Variants in KCTD11 observed in about 807,000 individuals in gnomAD.
KCTD11 encodes BTB/POZ domain-containing protein KCTD11.
A neutral mutation model predicts 10.7 loss-of-function variants in KCTD11; 8 were observed. The observed-to-expected ratio is 0.74, with a 90% CI of 0.44 to 1.34. The LOEUF is 1.34. KCTD11 is among the 40% of genes most tolerant of loss of function. The pLI is 0.01. For synonymous variants in KCTD11, 153 were observed against 160.8 expected (o/e 0.95, Z 0.37); for missense variants, 346 against 356.1 (o/e 0.97, Z 0.23).
At position 7,352,710 on chromosome 17, in the gene KCTD11, G is replaced by A. The variant is rs1363745756; in HGVS notation, c.-116G>A. The A allele has an allele frequency of 1.1e-5, 6 of 529,470 alleles. No individual in the cohort carries two copies. The highest frequency in any genetic ancestry group is 3.3e-5 in the Admixed American group (1 of 30,102). 32.8% of individuals were successfully genotyped at this position (529,470 alleles called of 1,614,324 possible). A position where few individuals can be genotyped will look rare whatever the true frequency, so the allele number is the denominator to read the frequency against. On this transcript the variant is annotated 5_prime_UTR_variant, in exon 1 of 1. Coordinates refer to ENST00000333751, the MANE Select transcript of KCTD11 (RefSeq NM_001363642.1). The surrounding 1 kb of genome is among the most constrained non-coding windows in gnomAD (Gnocchi z 4.5). ...GCCGGGGTGAGCCCCAAACCTTACT[G>A]GGTGTGCTCCACCTGTGCCTCCAAC...
Position 7,353,506 on chromosome 17 carries a change from G to T in KCTD11, c.681G>T (p.Arg227=). 1.3e-6 allele frequency: 2 copies of T among 1,592,378 alleles called. No individual in the cohort carries two copies. The highest frequency in any genetic ancestry group is 8.6e-7 in the Non-Finnish European group (1 of 1,166,900). ...GGACTGGGGGGCCAGGAGAGCGGCG[G>T]GAGGTGGTGGGCACCCCAAGCTTCC... The change falls in exon 1 of 1, where the codon CGG becomes CGT. Residue 227 remains arginine, a synonymous_variant. Coordinates refer to ENST00000333751, the MANE Select transcript of KCTD11 (RefSeq NM_001363642.1). The surrounding 1 kb of genome is among the most constrained non-coding windows in gnomAD (Gnocchi z 4.9).
At position 7,354,755 on chromosome 17, in the gene KCTD11, C is replaced by T; in HGVS notation, c.*1114C>T. ...TAGCTGGGGAAGGCCCAAGGCCGCCCAGGGCAGAGAGAGGAGACGAAGAGT... is the reference window on the plus strand; with the variant it reads ...TAGCTGGGGAAGGCCCAAGGCCGCCTAGGGCAGAGAGAGGAGACGAAGAGT... On this transcript the variant is annotated 3_prime_UTR_variant, in exon 1 of 1. Transcript: ENST00000333751. The T allele has an allele frequency of 5.6e-6, 1 of 177,096 alleles. No individual in the cohort carries two copies. The highest frequency in any genetic ancestry group is 1.3e-5 in the Non-Finnish European group (1 of 74,894). 11.0% of individuals were successfully genotyped at this position (177,096 alleles called of 1,614,324 possible). A position where few individuals can be genotyped will look rare whatever the true frequency, so the allele number is the denominator to read the frequency against.
Position 7,353,735 on chromosome 17 carries a change from A to G in KCTD11, c.*94A>G, listed in dbSNP as rs2143019662. On this transcript the variant is annotated 3_prime_UTR_variant, in exon 1 of 1. Coordinates refer to ENST00000333751, the MANE Select transcript of KCTD11 (RefSeq NM_001363642.1). This position sits in a 1 kb window ranked among gnomAD's most constrained non-coding sequence, Gnocchi z 4.9. ...CCAGCTCTGCTTCAGGAGCTATGAG[A>G]GTCGGGACTCTCCTGCACCTGACTG... 3 of 1,230,198 alleles carry G rather than the reference A, an allele frequency of 2.4e-6. No homozygotes were observed. The highest frequency in any genetic ancestry group is 3.4e-6 in the Non-Finnish European group (3 of 895,414). 76.2% of individuals were successfully genotyped at this position (1,230,198 alleles called of 1,614,324 possible).
Position 7,354,929 on chromosome 17 carries a change from C to T in KCTD11, c.*1288C>T, listed in dbSNP as rs2073462199. Reference sequence around the variant, plus strand: ...ATTTACAAGAAGAAAAATAAAACTGCTTTTGGAACCACAAACTTGTGAAGG... The same window carrying T: ...ATTTACAAGAAGAAAAATAAAACTGTTTTTGGAACCACAAACTTGTGAAGG... On this transcript the variant is annotated 3_prime_UTR_variant, in exon 1 of 1. Transcript: ENST00000333751. 2 of 465,362 alleles carry T rather than the reference C, an allele frequency of 4.3e-6. No homozygotes were observed. Among genetic ancestry groups the T allele is most frequent in the African/African-American group, 4.1e-5 (2 of 48,642 alleles). 28.8% of individuals were successfully genotyped at this position (465,362 alleles called of 1,614,324 possible). A position where few individuals can be genotyped will look rare whatever the true frequency, so the allele number is the denominator to read the frequency against.
rs3840878 is a variant in KCTD11, at chr17:7,354,528, GGTGTGTGTGT to G, written c.*906_*915del. ...TTGACAATTAGTAGTTTAATCACAG[GGTGTGTGTGT>G]GTGTGTGTGTGTGTGTGTTTATGTG... On this transcript the variant is annotated 3_prime_UTR_variant, in exon 1 of 1. Transcript: ENST00000333751. 1 of 161,370 alleles carries G rather than the reference GGTGTGTGTGT, an allele frequency of 6.2e-6. No individual in the cohort carries two copies. Among genetic ancestry groups the G allele is most frequent in the Non-Finnish European group, 1.5e-5 (1 of 66,856 alleles). The allele number at this position is 161,370 out of a possible 1,614,324, so 10.0% of individuals were successfully genotyped here. A position where few individuals can be genotyped will look rare whatever the true frequency, so the allele number is the denominator to read the frequency against.
chr17:7,353,426 C>T lies in KCTD11; in HGVS notation c.601C>T (p.Arg201Cys), dbSNP rs373069720. 1.5e-5 allele frequency: 24 copies of T among 1,612,692 alleles called. No individual in the cohort carries two copies. The highest frequency in any genetic ancestry group is 1.1e-4 in the South Asian group (10 of 91,086). The change falls in exon 1 of 1, where the codon CGC (arginine) becomes TGC (cysteine). Residue 201 changes from arginine (R) to cysteine (C), a missense_variant. Arg to Cys is a radical substitution (Grantham distance 180, BLOSUM62 -3). Coordinates refer to ENST00000333751, the MANE Select transcript of KCTD11 (RefSeq NM_001363642.1). The surrounding 1 kb of genome is among the most constrained non-coding windows in gnomAD (Gnocchi z 4.9). ...ACATTTTCATCTGGAGTGGGCCCCC[C>T]GCCCCGTGGAACTCCCCGAGGTGGA...
At position 7,352,829 on chromosome 17, in the gene KCTD11, T is replaced by C; in HGVS notation, c.4T>C (p.Ser2Pro). The C allele has an allele frequency of 1.3e-6, 1 of 771,148 alleles. No individual in the cohort carries two copies. The highest frequency in any genetic ancestry group is 2.1e-6 in the Non-Finnish European group (1 of 468,654). The allele number at this position is 771,148 out of a possible 1,614,324, so 47.8% of individuals were successfully genotyped here. A position where few individuals can be genotyped will look rare whatever the true frequency, so the allele number is the denominator to read the frequency against. ...GGTGTCTCCTGTACTTCCCAAAATT[T>C]CTCCTCCTCCTGTGCCCTCTTCGCC... Residue 2 changes from serine to proline, a missense_variant, in exon 1 of 1, where the codon TCT becomes CCT. Ser to Pro is a moderately conservative substitution (Grantham distance 74). Transcript: ENST00000333751. This position sits in a 1 kb window ranked among gnomAD's most constrained non-coding sequence, Gnocchi z 4.5.
Sources: allele counts gnomAD v4.1 joint callset, GRCh38; gene constraint gnomAD v4.1.1; non-coding constraint Gnocchi (gnomAD v3.1); transcripts MANE v1.5; gene names NCBI Gene and HGNC (gene_info 2026-07-23, HGNC 2026-07-21).